Variants in SERF2 observed in about 807,000 individuals in gnomAD.
SERF2 encodes small EDRK-rich factor 2.
In SERF2, 4 loss-of-function variants were observed where a neutral mutation model predicts 10.7. The ratio of observed to expected loss-of-function variants is 0.37; its 90% confidence interval spans 0.18 to 0.86. The LOEUF is 0.86. Ranked by LOEUF, SERF2 falls within the 40% of genes least tolerant of loss-of-function variation. The probability of loss-of-function intolerance (pLI) is 0.43; values close to 1 mark genes in which losing one functional copy is unlikely to be tolerated. For synonymous variants in SERF2, 26 were observed against 26.0 expected, an observed-to-expected ratio of 1.00 and a Z score of 0.01; for missense variants, 47 against 79.1, an observed-to-expected ratio of 0.59 and a Z score of 1.54.
At chr15:43,786,995 CG>C (rs2087012601) in intron 2 of SERF2, among the ~76,000 whole-genome samples, 1 of 114,234 alleles carries the variant, frequency 8.8e-6, no homozygotes, top group African/African-American at 3.1e-5. Context: ...GGCCTGGGTT[CG>C]TTTTTTTGTT....
chr15:43,792,784 T>C (rs2141679864), intron 1 of SERF2, 191 bp from the exon 2 acceptor site: 1 of 673,284 alleles, frequency 1.5e-6, no homozygotes, highest in Non-Finnish European at 2.4e-6. Context: ...CTCTAGTCCG[T>C]ATTTTGACCT....
At chr15:43,793,239 C>CA in intron 2 of SERF2, 156 bp downstream of exon 2, 1 of 601,534 alleles carries the variant, frequency 1.7e-6, no homozygotes. Flanking sequence ...CCCCACCCTC[C>CA]AAATTGTTAG....
At chr15:43,793,601 G>A in intron 2 of SERF2, 109 bp from the exon 3 acceptor site, 1 of 1,594,326 alleles carries the variant, frequency 6.3e-7, no homozygotes, top group Non-Finnish European at 8.6e-7. Context: ...GCCAAACGCT[G>A]AACTTAGTCC....
rs1401712805 is a variant in SERF2, at chr15:43,795,052, C to T, written c.*1279C>T. On this transcript the variant is annotated 3_prime_UTR_variant, in exon 3 of 3. Transcript: ENST00000249786. ...GGATATGATGCGGTGGCGGCGGCGC[C>T]TCAAGATAAGGGGCTGGGGTTTCTG... 1 of 1,612,958 alleles carries T rather than the reference C, an allele frequency of 6.2e-7. No homozygotes were observed. Among genetic ancestry groups the T allele is most frequent in the African/African-American group, 1.3e-5 (1 of 74,936 alleles).
chr15:43,786,655 T>C (rs1383233574), intron 2 of SERF2, among the ~76,000 whole-genome samples: 1 of 152,156 alleles, frequency 6.6e-6, no homozygotes, highest in Non-Finnish European at 1.5e-5. Flanking sequence ...CAAAACAATA[T>C]GGTAGTTCCC....
In SERF2 at chr15:43,792,360, G is replaced by T. The variant is rs376142346; in HGVS notation, c.-17G>T. ...GAGGGGACGTAACGGAGGCAGGTTG[G>T]AGCCGCTGCCGTCGCCATGACCCGT... On this transcript the variant is annotated 5_prime_UTR_variant, in exon 1 of 3. Coordinates refer to ENST00000249786, the MANE Select transcript of SERF2 (RefSeq NM_001018108.4). The T allele has an allele frequency of 1.7e-4, 271 of 1,605,848 alleles. No individual in the cohort carries two copies. The highest frequency in any genetic ancestry group is 2.3e-4 in the Non-Finnish European group (264 of 1,172,704).
chr15:43,781,872 G>A (rs752102186), intron 1 of SERF2, among the ~76,000 whole-genome samples: 2 of 146,004 alleles, frequency 1.4e-5, no homozygotes, highest in Admixed American at 7.0e-5. Context: ...GTGAGCCACC[G>A]CACCTGGTCC....
At chr15:43,781,225 TA>T (rs1210638168) in intron 1 of SERF2, among the ~76,000 whole-genome samples, 1 of 152,130 alleles carries the variant, frequency 6.6e-6, no homozygotes, top group East Asian at 1.9e-4. Context: ...CACAAGATTT[TA>T]TCACACTATT....
chr15:43,786,621 CT>C (rs1302082302), intron 2 of SERF2, among the ~76,000 whole-genome samples: 1 of 152,158 alleles, frequency 6.6e-6, no homozygotes, highest in Non-Finnish European at 1.5e-5. Context: ...TGACAGAAAT[CT>C]GACTCAAGGT....
chr15:43,777,812 TTA>T (rs1418653604), intron 1 of SERF2, among the ~76,000 whole-genome samples: 2 of 152,054 alleles, frequency 1.3e-5, no homozygotes, highest in African/African-American at 2.4e-5. Flanking sequence ...TCCTGTTTGA[TTA>T]TGTTTCCCAA....
chr15:43,792,570 C>T (rs1053510378), intron 1 of SERF2, 187 bp downstream of exon 1: 6 of 1,473,386 alleles, frequency 4.1e-6, no homozygotes, highest in South Asian at 4.0e-5. Flanking sequence ...CACGGGACCA[C>T]CCTCCCGGGT....
At chr15:43,793,509 T>G in intron 2 of SERF2, 1 of 1,449,708 alleles carries the variant, frequency 6.9e-7, no homozygotes, top group South Asian at 1.5e-5. Context: ...TTCTGACCCC[T>G]TGGGCAACAG....
At chr15:43,790,604 AACAAAAAT>A (rs928867245), upstream of SERF2, among the ~76,000 whole-genome samples, 3 of 151,350 alleles carry the variant, frequency 2.0e-5, no homozygotes, top group African/African-American at 7.3e-5. Flanking sequence ...TCTCCAGAAA[AACAAAAAT>A]ACAAAAATTA....
At chr15:43,792,480 C>T (rs992486089) in intron 1 of SERF2, 97 bp downstream of exon 1, 33 of 1,602,830 alleles carry the variant, frequency 2.1e-5, no homozygotes, top group African/African-American at 6.7e-5. Context: ...GCTTCCCTAG[C>T]AAGGCGTTTC....
chr15:43,795,534 C>A lies in SERF2; in HGVS notation c.*1761C>A. On this transcript the variant is annotated 3_prime_UTR_variant, in exon 3 of 3. Transcript: ENST00000249786. ...GGTCAGCTGGCCTCGCAGCCCCACCCCTTTGCCCTGGAGAGAGGAAATGGC... is the reference window on the plus strand; with the variant it reads ...GGTCAGCTGGCCTCGCAGCCCCACCACTTTGCCCTGGAGAGAGGAAATGGC... 1 of 1,614,158 alleles carries A rather than the reference C, an allele frequency of 6.2e-7. No individual in the cohort carries two copies. The highest frequency in any genetic ancestry group is 8.5e-7 in the Non-Finnish European group (1 of 1,180,034).
chr15:43,789,022 G>A (rs182382617), upstream of SERF2, among the ~76,000 whole-genome samples: 82 of 151,818 alleles, frequency 5.4e-4, 1 homozygote, highest in East Asian at 0.015. Context: ...AGTGGCGGGC[G>A]CCTGTAGTCC....
At chr15:43,792,179 C>T (rs1317086095), upstream of SERF2, 2 of 614,770 alleles carry the variant, frequency 3.3e-6, no homozygotes, top group Admixed American at 2.6e-5. Context: ...CTGCGACCCT[C>T]CGCCACTTAC....
chr15:43,782,676 T>C (rs2086973591), intron 1 of SERF2, among the ~76,000 whole-genome samples: 1 of 152,148 alleles, frequency 6.6e-6, no homozygotes, highest in African/African-American at 2.4e-5. Flanking sequence ...TTCCTTCACT[T>C]ACCTCCTGTG....
intron 1 of SERF2, among the ~76,000 whole-genome samples, chr15:43,780,748 GT>G (rs1289188608): frequency 5.9e-5 from 9 of 152,250 alleles, no homozygotes; most frequent in African/African-American, 2.2e-4. Context: ...ATCAGAACAT[GT>G]TTCTGTTCAT....
Sources: allele counts gnomAD v4.1 joint callset (sites outside exome capture counted in the v4.1 genomes callset), GRCh38; gene constraint gnomAD v4.1.1; transcripts MANE v1.5; gene names NCBI Gene and HGNC (gene_info 2026-07-23, HGNC 2026-07-21).